LINGO2: variants seen among roughly 807,000 people sequenced by gnomAD.
The protein encoded by LINGO2 is leucine rich repeat and Ig domain containing 2.
A neutral mutation model predicts 30.6 loss-of-function variants in LINGO2; 14 were observed. The ratio of observed to expected loss-of-function variants is 0.46; its 90% confidence interval spans 0.30 to 0.72. LINGO2 has a LOEUF of 0.72. Ranked by LOEUF, LINGO2 falls within the 30% of genes least tolerant of loss-of-function variation. LINGO2 has a pLI of 0.07. For missense variants in LINGO2, 729 were observed against 751.7 expected, an observed-to-expected ratio of 0.97 and a Z score of 0.35; for synonymous variants, 317 against 288.5, an observed-to-expected ratio of 1.10 and a Z score of -1.00.
chr9:29,132,617 T>G, the LINGO2 span, among the ~76,000 whole-genome samples: 1 of 152,164 alleles, frequency 6.6e-6, no homozygotes, highest in Admixed American at 6.6e-5. Flanking sequence ...CCCCACTCTG[T>G]GGAGTGTACA....
the LINGO2 span, among the ~76,000 whole-genome samples, chr9:29,083,127 T>C: frequency 9.6e-3 from 1,466 of 152,214 alleles, 26 homozygotes; most frequent in African/African-American, 0.034. Flanking sequence ...TAAAGACACA[T>C]GCACACGTAT....
chr9:29,156,572 G>A, the LINGO2 span, among the ~76,000 whole-genome samples: 5 of 151,946 alleles, frequency 3.3e-5, no homozygotes, highest in East Asian at 1.9e-4. Context: ...CAATAAATAA[G>A]GCTAAAATTC....
At chr9:28,713,973 C>T in the LINGO2 span, among the ~76,000 whole-genome samples, 2 of 151,984 alleles carry the variant, frequency 1.3e-5, no homozygotes, top group Middle Eastern at 3.4e-3. Flanking sequence ...GCCTGCCCAA[C>T]ATGGCAAAAC....
intron 1 of LINGO2, among the ~76,000 whole-genome samples, chr9:28,514,793 A>T (rs1820551656): frequency 6.6e-6 from 1 of 152,218 alleles, no homozygotes; most frequent in African/African-American, 2.4e-5. Context: ...TCAACAACAG[A>T]TTTTCAATGT....
chr9:29,203,121 A>C, the LINGO2 span, among the ~76,000 whole-genome samples: 2 of 152,166 alleles, frequency 1.3e-5, no homozygotes, highest in African/African-American at 2.4e-5. Context: ...CTACAAAAAT[A>C]AGGTAAGATC....
chr9:28,247,074 T>C (rs1250055986), intron 4 of LINGO2, among the ~76,000 whole-genome samples: 2 of 152,202 alleles, frequency 1.3e-5, no homozygotes, highest in African/African-American at 4.8e-5. Context: ...CCAGTCAGAA[T>C]GGCAATTATT....
intron 2 of LINGO2, among the ~76,000 whole-genome samples, chr9:28,466,370 G>A (rs1587711998): frequency 1.3e-5 from 2 of 152,034 alleles, no homozygotes; most frequent in Non-Finnish European, 2.9e-5. Context: ...AGGCACAGAA[G>A]GACAAACTGA....
intron 4 of LINGO2, among the ~76,000 whole-genome samples, chr9:28,088,736 G>A (rs1315834224): frequency 6.6e-6 from 1 of 152,028 alleles, no homozygotes; most frequent in Non-Finnish European, 1.5e-5. Flanking sequence ...ATGTAAATGG[G>A]CTAAATGCTC....
the LINGO2 span, among the ~76,000 whole-genome samples, chr9:29,008,582 G>A: frequency 6.6e-6 from 1 of 152,236 alleles, no homozygotes; most frequent in Non-Finnish European, 1.5e-5. Context: ...ATCCTCTCCA[G>A]CACCTGTTGT....
chr9:28,477,782 T>C (rs1587726536), intron 1 of LINGO2, among the ~76,000 whole-genome samples: 1 of 152,190 alleles, frequency 6.6e-6, no homozygotes, highest in Non-Finnish European at 1.5e-5. Flanking sequence ...TAAATCATCA[T>C]TTTACTTCTT....
intron 4 of LINGO2, among the ~76,000 whole-genome samples, chr9:28,073,610 G>A (rs1176359958): frequency 6.6e-6 from 1 of 152,200 alleles, no homozygotes. Flanking sequence ...AGCCACATAA[G>A]TTGACTGAGG....
chr9:28,225,462 G>A (rs1338252650), intron 4 of LINGO2, among the ~76,000 whole-genome samples: 2 of 151,900 alleles, frequency 1.3e-5, no homozygotes, highest in Non-Finnish European at 2.9e-5. Context: ...GATTGTATGA[G>A]AATTGTAAAA....
intron 2 of LINGO2, among the ~76,000 whole-genome samples, chr9:28,388,906 C>T (rs1367151459): frequency 6.6e-6 from 1 of 151,950 alleles, no homozygotes; most frequent in Non-Finnish European, 1.5e-5. Context: ...TTCTCTCTCT[C>T]TCTCTCTTTC....
At chr9:28,841,102 T>C in the LINGO2 span, among the ~76,000 whole-genome samples, 1 of 151,920 alleles carries the variant, frequency 6.6e-6, no homozygotes, top group East Asian at 1.9e-4. Context: ...GTTTACGCTT[T>C]CAAGGCACTG....
chr9:28,954,615 G>A, the LINGO2 span, among the ~76,000 whole-genome samples: 13 of 152,108 alleles, frequency 8.5e-5, no homozygotes, highest in African/African-American at 3.1e-4. Context: ...CATGGAAACT[G>A]TTAACACAAT....
chr9:28,306,613 C>T (rs1484740748), intron 3 of LINGO2, among the ~76,000 whole-genome samples: 1 of 152,062 alleles, frequency 6.6e-6, no homozygotes, highest in Non-Finnish European at 1.5e-5. Flanking sequence ...ACACAAAAAA[C>T]CCTTCAAAAA....
intron 1 of LINGO2, among the ~76,000 whole-genome samples, chr9:28,569,684 A>G (rs1173078061): frequency 1.3e-5 from 2 of 152,002 alleles, no homozygotes; most frequent in Non-Finnish European, 2.9e-5. Flanking sequence ...TACGAAATGA[A>G]TAATTTCAGG....
chr9:28,765,272 A>G, the LINGO2 span, among the ~76,000 whole-genome samples: 25 of 152,220 alleles, frequency 1.6e-4, no homozygotes, highest in South Asian at 5.2e-3. Flanking sequence ...TATTAGAATA[A>G]AAATAGCATT....
At chr9:28,344,823 C>T (rs752251291) in intron 3 of LINGO2, among the ~76,000 whole-genome samples, 6 of 152,148 alleles carry the variant, frequency 3.9e-5, no homozygotes, top group South Asian at 2.1e-4. Flanking sequence ...TAGCTAACTC[C>T]GGAATATAGC....
Sources: allele counts gnomAD v4.1 joint callset (sites outside exome capture counted in the v4.1 genomes callset), GRCh38; gene constraint gnomAD v4.1.1; transcripts MANE v1.5; gene names NCBI Gene and HGNC (gene_info 2026-07-23, HGNC 2026-07-21).